Variants in ACOT1 observed in about 807,000 individuals in gnomAD.
ACOT1 encodes acyl-CoA thioesterase 1.
Under a neutral mutation model 15.7 loss-of-function variants are expected in ACOT1, and 8 were observed. That is an observed-to-expected ratio of 0.51 (90% CI 0.30 to 0.92). The LOEUF (loss-of-function observed/expected upper bound fraction) is 0.92, where lower values mean the gene tolerates loss of function less well. ACOT1 is among the 40% of genes least tolerant of loss of function. The pLI is 0.06. For missense variants in ACOT1, 151 were observed against 539.4 expected, an observed-to-expected ratio of 0.28 and a Z score of 7.13; for synonymous variants, 67 against 241.2, an observed-to-expected ratio of 0.28 and a Z score of 6.69.
the ACOT1 span, among the ~76,000 whole-genome samples, chr14:73,517,742 G>A: frequency 1.3e-5 from 2 of 150,954 alleles, no homozygotes; most frequent in Non-Finnish European, 2.9e-5. Context: ...AGGGAGACAT[G>A]AAGGAAGGAA....
chr14:73,496,960 G>T, the ACOT1 span, among the ~76,000 whole-genome samples: 1 of 152,168 alleles, frequency 6.6e-6, no homozygotes, highest in African/African-American at 2.4e-5. Flanking sequence ...GCACGATCTC[G>T]TCTCGGCTCA....
At chr14:73,508,235 A>G in the ACOT1 span, 8 of 1,613,976 alleles carry the variant, frequency 5.0e-6, no homozygotes, top group Middle Eastern at 3.3e-4. Context: ...ATCACAGGGT[A>G]AGTAGCAGTA....
chr14:73,524,809 C>A, the ACOT1 span, among the ~76,000 whole-genome samples: 1 of 151,820 alleles, frequency 6.6e-6, no homozygotes, highest in Admixed American at 6.6e-5. Context: ...AAGGAGAGAC[C>A]ATTATTCCAT....
chr14:73,499,837 C>T, the ACOT1 span, among the ~76,000 whole-genome samples: 1 of 152,150 alleles, frequency 6.6e-6, no homozygotes, highest in Admixed American at 6.5e-5. Flanking sequence ...GCTCTAGAAT[C>T]GAAGTCTGGG....
chr14:73,532,051 A>T, the ACOT1 span, among the ~76,000 whole-genome samples: 1 of 114,052 alleles, frequency 8.8e-6, no homozygotes, highest in Non-Finnish European at 1.9e-5. Flanking sequence ...AAAATAAAAA[A>T]ACCCTCTAGA....
At chr14:73,511,955 A>T in the ACOT1 span, 4 of 1,611,664 alleles carry the variant, frequency 2.5e-6, no homozygotes, top group Non-Finnish European at 3.4e-6. Flanking sequence ...CAGATGTTCC[A>T]TGGCTTTATG....
chr14:73,530,837 C>A, the ACOT1 span, among the ~76,000 whole-genome samples: 2 of 81,302 alleles, frequency 2.5e-5, 1 homozygote, highest in Non-Finnish European at 5.1e-5. Context: ...TAGAGTCTCA[C>A]CATGTTGTTC....
the ACOT1 span, chr14:73,495,431 T>C: frequency 6.7e-7 from 1 of 1,494,676 alleles, no homozygotes; most frequent in Admixed American, 1.9e-5. Context: ...ACAAAACACC[T>C]GTACTAGGCA....
the ACOT1 span, among the ~76,000 whole-genome samples, chr14:73,493,702 G>A: frequency 6.6e-6 from 1 of 152,188 alleles, no homozygotes; most frequent in Non-Finnish European, 1.5e-5. Context: ...GCCAGGCATA[G>A]TGGTGCGTGC....
chr14:73,492,443 G>A, the ACOT1 span: 1 of 1,613,778 alleles, frequency 6.2e-7, no homozygotes, highest in Non-Finnish European at 8.5e-7. The surrounding 1 kb of genome is among the most constrained non-coding windows in gnomAD (Gnocchi z 4.9). Context: ...GCGAAGAACC[G>A]CTTTCATGGA....
chr14:73,524,029 G>A, the ACOT1 span, among the ~76,000 whole-genome samples: 3 of 151,842 alleles, frequency 2.0e-5, no homozygotes, highest in African/African-American at 7.3e-5. Flanking sequence ...AGTGGCTCAC[G>A]CCTGTAATCC....
the ACOT1 span, among the ~76,000 whole-genome samples, chr14:73,513,021 G>T: frequency 6.6e-6 from 1 of 152,212 alleles, no homozygotes; most frequent in African/African-American, 2.4e-5. Context: ...GGCAAAGTAG[G>T]TATAGGATAG....
the ACOT1 span, chr14:73,498,324 C>CT: frequency 3.1e-6 from 5 of 1,605,160 alleles, no homozygotes; most frequent in Admixed American, 8.4e-5. Context: ...TCGGGACTTA[C>CT]TTGCCCAATC....
chr14:73,518,880 G>T, the ACOT1 span: 1 of 686,274 alleles, frequency 1.5e-6, no homozygotes, highest in Non-Finnish European at 2.4e-6. Context: ...ATTATTTTTA[G>T]TACGTAGAAA....
the ACOT1 span, among the ~76,000 whole-genome samples, chr14:73,494,338 A>G: frequency 9.9e-5 from 15 of 152,156 alleles, no homozygotes; most frequent in Non-Finnish European, 1.5e-5. Context: ...TTGTAAGTAT[A>G]TTTTGGTACA....
the ACOT1 span, among the ~76,000 whole-genome samples, chr14:73,493,602 C>T: frequency 1.3e-5 from 2 of 152,058 alleles, no homozygotes; most frequent in African/African-American, 2.4e-5. Flanking sequence ...CTTTAGGAGG[C>T]CGAGGCGGGT....
chr14:73,524,308 AAAATATATATAT>A, the ACOT1 span, among the ~76,000 whole-genome samples: 1 of 83,586 alleles, frequency 1.2e-5, no homozygotes, highest in African/African-American at 6.2e-5. Flanking sequence ...AAAAAAAAAA[AAAATATATATAT>A]ATATATATAT....
the ACOT1 span, chr14:73,495,273 G>T: frequency 6.2e-7 from 1 of 1,614,006 alleles, no homozygotes. Context: ...AGTGGTCCTT[G>T]TTCTCCTTTG....
At chr14:73,493,189 AG>A in the ACOT1 span, 2 of 1,346,392 alleles carry the variant, frequency 1.5e-6, no homozygotes, top group South Asian at 2.4e-5. Flanking sequence ...TGATCATTTC[AG>A]AGCACCAACT....
Sources: allele counts gnomAD v4.1 joint callset (sites outside exome capture counted in the v4.1 genomes callset), GRCh38; gene constraint gnomAD v4.1.1; non-coding constraint Gnocchi (gnomAD v3.1); transcripts MANE v1.5; gene names NCBI Gene and HGNC (gene_info 2026-07-23, HGNC 2026-07-21).